LIFR: variants seen among roughly 807,000 people sequenced by gnomAD.
LIFR encodes the protein LIF receptor subunit alpha, also known as leukemia inhibitory factor receptor.
In LIFR, 84 loss-of-function variants were observed where a neutral mutation model predicts 122.2. The ratio of observed to expected loss-of-function variants is 0.69; its 90% confidence interval spans 0.58 to 0.82. LIFR has a LOEUF of 0.82. Among genes scored for constraint, LIFR ranks in the 40% least tolerant of loss-of-function variants. The pLI, the probability that LIFR is intolerant of heterozygous loss-of-function variation, is 0.00. For synonymous variants in LIFR, 422 were observed against 434.7 expected (o/e 0.97, Z 0.36); for missense variants, 1,294 against 1,311.6 (o/e 0.99, Z 0.21).
In LIFR at chr5:38,481,775, A is replaced by G. The variant is rs2112354253; in HGVS notation, c.3114T>C (p.Asn1038=). 6.2e-7 allele frequency: 1 copy of G among 1,614,126 alleles called. No individual in the cohort carries two copies. The highest frequency in any genetic ancestry group is 8.5e-7 in the Non-Finnish European group (1 of 1,180,014). ...ATCTAGGAGAGTCTGGAGACACTAA[A>G]TTCCATGTATTTACATTGGCCTGAG... ...YRPQANVNTW[N]LVSPDSPRSI... The change falls in exon 20 of 20, where the codon AAT becomes AAC. Residue 1038 remains asparagine, a synonymous_variant. Coordinates refer to ENST00000453190, the MANE Select transcript of LIFR (RefSeq NM_001127671.2).
chr5:38,598,820 C>T (rs1750171680), upstream of LIFR, among the ~76,000 whole-genome samples: 1 of 152,216 alleles, frequency 6.6e-6, no homozygotes, highest in African/African-American at 2.4e-5. Flanking sequence ...ACTTCCTTGT[C>T]CGTAAGGAAC....
chr5:38,520,388 T>G (rs140655818), intron 5 of LIFR, among the ~76,000 whole-genome samples: 79 of 152,314 alleles, frequency 5.2e-4, no homozygotes, highest in Middle Eastern at 3.4e-3. Context: ...ATGAATAGTT[T>G]GGAAATGTTT....
At chr5:38,533,350 T>C (rs1473497011) in intron 1 of LIFR, among the ~76,000 whole-genome samples, 1 of 152,214 alleles carries the variant, frequency 6.6e-6, no homozygotes. Flanking sequence ...TCTGGTTCTA[T>C]TTCTTTACAC....
intron 7 of LIFR, among the ~76,000 whole-genome samples, chr5:38,509,772 A>T (rs1745696830): frequency 6.6e-6 from 1 of 152,166 alleles, no homozygotes; most frequent in African/African-American, 2.4e-5. Flanking sequence ...AGGCAGAAAA[A>T]CTAAAATTGA....
chr5:38,561,218 T>G (rs1748826465), upstream of LIFR, among the ~76,000 whole-genome samples: 1 of 152,180 alleles, frequency 6.6e-6, no homozygotes, highest in Admixed American at 6.5e-5. Context: ...AGAGGGACAC[T>G]ACACAACAAT....
intron 13 of LIFR, 88 bp from the exon 14 acceptor site, chr5:38,493,873 C>G (rs140842627): frequency 9.5e-7 from 1 of 1,053,492 alleles, no homozygotes; most frequent in East Asian, 2.4e-5. Flanking sequence ...TTAGAAAAAT[C>G]ACTTCATTGT....
chr5:38,578,555 C>CTT (rs202014456), intron 1 of LIFR, among the ~76,000 whole-genome samples: 1 of 143,750 alleles, frequency 7.0e-6, no homozygotes, highest in African/African-American at 2.6e-5. Context: ...GACACTATTT[C>CTT]TTTTTTTTTT....
At chr5:38,522,725 T>C (rs1746468870) in intron 5 of LIFR, among the ~76,000 whole-genome samples, 1 of 152,184 alleles carries the variant, frequency 6.6e-6, no homozygotes, top group Admixed American at 6.5e-5. Context: ...AAGTATGAAA[T>C]ATAGAATAAT....
At chr5:38,552,391 C>T (rs1561202151) in intron 1 of LIFR, among the ~76,000 whole-genome samples, 3 of 152,252 alleles carry the variant, frequency 2.0e-5, no homozygotes, top group South Asian at 4.1e-4. Context: ...AAAGGAAATG[C>T]CACAAATTAT....
At chr5:38,586,794 C>T (rs1238430866) in intron 1 of LIFR, among the ~76,000 whole-genome samples, 1 of 151,994 alleles carries the variant, frequency 6.6e-6, no homozygotes, top group Non-Finnish European at 1.5e-5. Context: ...AATTTTAGGT[C>T]TGGCACATTG....
At chr5:38,559,063 T>C (rs1457737315), upstream of LIFR, 3 of 152,236 alleles carry the variant, frequency 2.0e-5, no homozygotes, top group Non-Finnish European at 2.9e-5. Context: ...ACCAGGTGAA[T>C]GTATCGCCAA....
At chr5:38,570,043 G>T (rs1024067773) in intron 1 of LIFR, among the ~76,000 whole-genome samples, 2 of 152,170 alleles carry the variant, frequency 1.3e-5, no homozygotes, top group Middle Eastern at 3.4e-3. Context: ...TAGCAGAGGG[G>T]TTACCAGCAG....
chr5:38,502,835 T>C (rs772888408), intron 10 of LIFR, 36 bp from the exon 11 acceptor site: 2 of 1,200,850 alleles, frequency 1.7e-6, no homozygotes, highest in South Asian at 3.1e-5. Context: ...TATATGTATA[T>C]ATTATGTGTA....
chr5:38,606,750 G>C (rs144505400), intron 1 of LIFR, among the ~76,000 whole-genome samples: 14 of 152,262 alleles, frequency 9.2e-5, no homozygotes, highest in African/African-American at 3.4e-4. Flanking sequence ...ATTCATGCCT[G>C]TCCCACTGCC....
intron 11 of LIFR, among the ~76,000 whole-genome samples, chr5:38,500,814 T>C (rs1420469629): frequency 3.3e-5 from 5 of 152,208 alleles, no homozygotes; most frequent in Non-Finnish European, 7.3e-5. Context: ...CCACATTGCA[T>C]CAGGGTTGGC....
chr5:38,557,574 CTTGT>C (rs891672433), upstream of LIFR: 8 of 154,780 alleles, frequency 5.2e-5, no homozygotes, highest in Middle Eastern at 5.1e-4. Context: ...AGGAAACAGG[CTTGT>C]TTGTTTCATC....
At chr5:38,520,117 T>C (rs1376361944) in intron 5 of LIFR, among the ~76,000 whole-genome samples, 1 of 152,168 alleles carries the variant, frequency 6.6e-6, no homozygotes, top group African/African-American at 2.4e-5. Flanking sequence ...ATGCTCCACA[T>C]CCTCACCAAT....
chr5:38,509,251 C>G (rs1412650826), intron 7 of LIFR, among the ~76,000 whole-genome samples: 1 of 152,196 alleles, frequency 6.6e-6, no homozygotes, highest in Admixed American at 6.5e-5. Flanking sequence ...AACTTCACTA[C>G]ATATACCACT....
chr5:38,509,754 A>G (rs893189022), intron 7 of LIFR, among the ~76,000 whole-genome samples: 1 of 152,192 alleles, frequency 6.6e-6, no homozygotes, highest in African/African-American at 2.4e-5. Flanking sequence ...AGTTGCTACA[A>G]GGAAGGGAGG....
Sources: allele counts gnomAD v4.1 joint callset (sites outside exome capture counted in the v4.1 genomes callset), GRCh38; gene constraint gnomAD v4.1.1; transcripts MANE v1.5; gene names NCBI Gene and HGNC (gene_info 2026-07-23, HGNC 2026-07-21).